The following AKT3 variants were observed in gnomAD, a reference collection of about 807,000 sequenced individuals.
The protein encoded by AKT3 is RAC-gamma serine/threonine-protein kinase.
A neutral mutation model predicts 65.3 loss-of-function variants in AKT3; 15 were observed. That is an observed-to-expected ratio of 0.23 (90% CI 0.15 to 0.35). The LOEUF is 0.35. Ranked by LOEUF, AKT3 falls within the 10% of genes least tolerant of loss-of-function variation. The pLI, the probability that AKT3 is intolerant of heterozygous loss-of-function variation, is 1.00. For missense variants in AKT3, 243 were observed against 576.5 expected, an observed-to-expected ratio of 0.42 and a Z score of 5.92; for synonymous variants, 206 against 183.8, an observed-to-expected ratio of 1.12 and a Z score of -0.98.
Position 243,835,629 on chromosome 1 carries a change from A to G in AKT3, c.46+7496T>C, listed in dbSNP as rs184127626. Among the ~76,000 whole-genome samples, 171 of 152,296 alleles carry G rather than the reference A, an allele frequency of 1.1e-3. 1 individual carries two copies. Among genetic ancestry groups the G allele is most frequent in the Non-Finnish European group, 7.8e-4 (53 of 68,022 alleles). On this transcript the variant is annotated intron_variant, in intron 2 of 13. Coordinates refer to ENST00000673466, the MANE Select transcript of AKT3 (RefSeq NM_005465.7). ...ACCAAGAAATTTTAATACCAAAGAT[A>G]TATCTGTTTATATAATGTGATTGGA...
At position 243,502,693 on chromosome 1, in the gene AKT3, C is replaced by T. The variant is rs1015217845; in HGVS notation, c.*2556G>A. On this transcript the variant is annotated 3_prime_UTR_variant, in exon 14 of 14. Coordinates refer to ENST00000673466, the MANE Select transcript of AKT3 (RefSeq NM_005465.7). ...AGTGAAAATAGGGGATTCTCAAAAT[C>T]AAAGCCAAGAAGACACCTTGTGTGA... The T allele has an allele frequency of 2.1e-5, 5 of 233,130 alleles. No homozygotes were observed. Among genetic ancestry groups the T allele is most frequent in the Non-Finnish European group, 1.7e-5 (2 of 118,042 alleles). The allele number at this position is 233,130 out of a possible 1,614,324, so 14.4% of individuals were successfully genotyped here.
chr1:243,517,746 G>C (rs1670457842), intron 12 of AKT3, among the ~76,000 whole-genome samples: 1 of 152,184 alleles, frequency 6.6e-6, no homozygotes, highest in Non-Finnish European at 1.5e-5. Flanking sequence ...TTTTTACCAA[G>C]TCTAATCTCT....
At chr1:243,650,231 T>C (rs1235357908) in intron 4 of AKT3, among the ~76,000 whole-genome samples, 4 of 152,244 alleles carry the variant, frequency 2.6e-5, no homozygotes, top group Non-Finnish European at 5.9e-5. Flanking sequence ...TCTGTTCATA[T>C]CCTTTGCCCA....
intron 13 of AKT3, among the ~76,000 whole-genome samples, chr1:243,489,772 A>G (rs1665921429): frequency 6.6e-6 from 1 of 152,204 alleles, no homozygotes; most frequent in South Asian, 2.1e-4. Context: ...GCTGGCAAGT[A>G]GGGACACCGC....
chr1:243,703,726 A>T (rs1478916564), intron 2 of AKT3, among the ~76,000 whole-genome samples: 1 of 147,132 alleles, frequency 6.8e-6, no homozygotes, highest in East Asian at 2.0e-4. Context: ...GCACCACTGC[A>T]CTCCAATCTC....
In AKT3 at chr1:243,527,890, C is replaced by CACACACAAGCAAGACTCCATCTCTTAAA. The variant is rs1176228164; in HGVS notation, c.1252-15465_1252-15464insTTTAAGAGATGGAGTCTTGCTTGTGTGT. Among the ~76,000 whole-genome samples the CACACACAAGCAAGACTCCATCTCTTAAA allele has an allele frequency of 5.5e-3, 496 of 90,460 alleles. 19 individuals are homozygous for CACACACAAGCAAGACTCCATCTCTTAAA. Among genetic ancestry groups the CACACACAAGCAAGACTCCATCTCTTAAA allele is most frequent in the African/African-American group, 0.026 (468 of 17,934 alleles). The allele number at this position is 90,460 out of a possible 152,430, so 59.3% of individuals were successfully genotyped here. ...CTTAAAACACACACACACACACACA[C>CACACACAAGCAAGACTCCATCTCTTAAA]ACACACACACACACACACACACACA... On this transcript the variant is annotated intron_variant, in intron 12 of 13. Coordinates refer to ENST00000673466, the MANE Select transcript of AKT3 (RefSeq NM_005465.7).
At chr1:243,510,614 T>G (rs1281476750) in intron 13 of AKT3, among the ~76,000 whole-genome samples, 1 of 152,138 alleles carries the variant, frequency 6.6e-6, no homozygotes, top group African/African-American at 2.4e-5. Flanking sequence ...CCATAAATAC[T>G]GTCCCCAGAG....
At chr1:243,802,553 G>T (rs1373595830) in intron 2 of AKT3, among the ~76,000 whole-genome samples, 4 of 152,050 alleles carry the variant, frequency 2.6e-5, no homozygotes, top group Non-Finnish European at 5.9e-5. Flanking sequence ...AGAGAAGCTG[G>T]AACTCTTGGT....
chr1:243,519,903 A>G (rs1670604661), intron 12 of AKT3, among the ~76,000 whole-genome samples: 1 of 152,236 alleles, frequency 6.6e-6, no homozygotes, highest in Non-Finnish European at 1.5e-5. Flanking sequence ...AGCTGGTATC[A>G]TGGCTTACAA....
intron 8 of AKT3, among the ~76,000 whole-genome samples, chr1:243,610,122 A>G (rs1351937751): frequency 6.6e-6 from 1 of 152,230 alleles, no homozygotes; most frequent in Non-Finnish European, 1.5e-5. Context: ...TTTTTGAAAT[A>G]AAAAGATATC....
Position 243,807,372 on chromosome 1 carries a change from C to A in AKT3, c.46+35753G>T, listed in dbSNP as rs377383420. ...TTTCCAACGGACTTAGCAAACGGCACACCAGGAGATTATATCCCATGCCTG... is the reference window on the plus strand; with the variant it reads ...TTTCCAACGGACTTAGCAAACGGCAAACCAGGAGATTATATCCCATGCCTG... On this transcript the variant is annotated intron_variant, in intron 2 of 13. Coordinates refer to ENST00000673466, the MANE Select transcript of AKT3 (RefSeq NM_005465.7). Among the ~76,000 whole-genome samples, 112 of 152,348 alleles carry A rather than the reference C, an allele frequency of 7.4e-4. 2 individuals carry two copies. In the South Asian group the frequency reaches 0.023, roughly 31 times the overall value.
At chr1:243,801,070 A>C (rs1195896704) in intron 2 of AKT3, among the ~76,000 whole-genome samples, 1 of 152,198 alleles carries the variant, frequency 6.6e-6, no homozygotes, top group Non-Finnish European at 1.5e-5. Context: ...CTGGTGTGCT[A>C]ATTGACTTTA....
chr1:243,500,838 G>GA lies in AKT3; in HGVS notation c.*4410dup. On this transcript the variant is annotated 3_prime_UTR_variant, in exon 14 of 14. Transcript: ENST00000673466. ...TTGAGCATGTAAAAGGTTCAAGCCT[G>GA]AAACAGTAGAACTTCTATTCAGATT... is the stretch of plus-strand genomic sequence containing the variant. 1 of 229,046 alleles carries GA rather than the reference G, an allele frequency of 4.4e-6. No homozygotes were observed. Among genetic ancestry groups the GA allele is most frequent in the Non-Finnish European group, 8.7e-6 (1 of 115,434 alleles). 14.2% of individuals were successfully genotyped at this position (229,046 alleles called of 1,614,324 possible).
chr1:243,510,441 T>A (rs988482069), intron 13 of AKT3, among the ~76,000 whole-genome samples: 18 of 152,034 alleles, frequency 1.2e-4, no homozygotes, highest in African/African-American at 4.3e-4. Flanking sequence ...AAGGTGCCAA[T>A]GCAGAGAATG....
At chr1:243,628,580 C>T (rs1679361524) in intron 6 of AKT3, among the ~76,000 whole-genome samples, 1 of 152,224 alleles carries the variant, frequency 6.6e-6, no homozygotes, top group African/African-American at 2.4e-5. Context: ...GTTGAGACTG[C>T]AGCCATGAGT....
At chr1:243,806,626 T>C (rs1298787907) in intron 2 of AKT3, among the ~76,000 whole-genome samples, 1 of 152,204 alleles carries the variant, frequency 6.6e-6, no homozygotes, top group Non-Finnish European at 1.5e-5. Flanking sequence ...TTGTATTATC[T>C]AGTGTGATTC....
At chr1:243,779,208 T>G (rs1480479241) in intron 2 of AKT3, among the ~76,000 whole-genome samples, 1 of 152,178 alleles carries the variant, frequency 6.6e-6, no homozygotes, top group African/African-American at 2.4e-5. Flanking sequence ...GGAATCACCT[T>G]GTATATATCA....
intron 2 of AKT3, among the ~76,000 whole-genome samples, chr1:243,728,589 G>A (rs1161579256): frequency 1.3e-5 from 2 of 152,152 alleles, no homozygotes; most frequent in Admixed American, 6.5e-5. Flanking sequence ...GGAACAGATA[G>A]GACAGGACAG....
At chr1:243,516,966 A>C (rs1670400405) in intron 12 of AKT3, among the ~76,000 whole-genome samples, 1 of 152,204 alleles carries the variant, frequency 6.6e-6, no homozygotes, top group Non-Finnish European at 1.5e-5. Context: ...ATCTTTTAGT[A>C]CTATAAATTG....
Sources: allele counts gnomAD v4.1 joint callset (sites outside exome capture counted in the v4.1 genomes callset), GRCh38; gene constraint gnomAD v4.1.1; transcripts MANE v1.5; gene names NCBI Gene and HGNC (gene_info 2026-07-23, HGNC 2026-07-21).